The following PPM1L variants were observed in gnomAD, a reference collection of about 807,000 sequenced individuals.
PPM1L encodes protein phosphatase 1L.
A neutral mutation model predicts 31.4 loss-of-function variants in PPM1L; 13 were observed. The observed-to-expected ratio is 0.41, with a 90% CI of 0.27 to 0.66. PPM1L has a LOEUF of 0.66. PPM1L is among the 30% of genes least tolerant of loss of function. PPM1L has a pLI of 0.29. For synonymous variants in PPM1L, 184 were observed against 175.4 expected, an observed-to-expected ratio of 1.05 and a Z score of -0.39; for missense variants, 326 against 453.7, an observed-to-expected ratio of 0.72 and a Z score of 2.56.
chr3:160,977,991 G>A (rs1264947396), intron 2 of PPM1L, among the ~76,000 whole-genome samples: 7 of 152,196 alleles, frequency 4.6e-5, no homozygotes, highest in Non-Finnish European at 7.3e-5. Context: ...TGTAGAGCCT[G>A]AAGCAAAGAC....
chr3:161,041,568 G>A (rs1027278353), intron 2 of PPM1L, among the ~76,000 whole-genome samples: 1 of 152,160 alleles, frequency 6.6e-6, no homozygotes, highest in Admixed American at 6.5e-5. Flanking sequence ...GGCTAACACA[G>A]TGAAACCCCA....
intron 1 of PPM1L, among the ~76,000 whole-genome samples, chr3:160,772,134 GAA>G (rs1386661897): frequency 6.6e-6 from 1 of 152,156 alleles, no homozygotes; most frequent in African/African-American, 2.4e-5. Context: ...GTCTGCTGCT[GAA>G]GAAGTCATGG....
At chr3:160,839,866 C>T (rs537044779) in intron 1 of PPM1L, among the ~76,000 whole-genome samples, 7 of 152,088 alleles carry the variant, frequency 4.6e-5, no homozygotes, top group South Asian at 2.1e-4. Flanking sequence ...TTGGGAGCCC[C>T]GTTGGAAAGC....
chr3:160,939,231 C>T (rs1242723495), intron 1 of PPM1L, among the ~76,000 whole-genome samples: 1 of 152,168 alleles, frequency 6.6e-6, no homozygotes, highest in African/African-American at 2.4e-5. Context: ...CCCTTCCCCT[C>T]CAAACACACG....
chr3:161,066,154 G>T (rs944526751), intron 3 of PPM1L, among the ~76,000 whole-genome samples: 6 of 152,176 alleles, frequency 3.9e-5, no homozygotes, highest in Admixed American at 3.9e-4. Flanking sequence ...TTGAAGACAG[G>T]AACTTGGTTT....
intron 1 of PPM1L, among the ~76,000 whole-genome samples, chr3:160,808,796 CAG>C (rs1560112869): frequency 1.3e-5 from 2 of 152,152 alleles, no homozygotes; most frequent in South Asian, 2.1e-4. Context: ...CCTAGTGAAT[CAG>C]GGGTTGAATT....
chr3:160,980,161 T>G (rs1276975765), intron 2 of PPM1L, among the ~76,000 whole-genome samples: 1 of 152,076 alleles, frequency 6.6e-6, no homozygotes, highest in Non-Finnish European at 1.5e-5. Context: ...TGTCAATTTC[T>G]GTTGGTTGCC....
intron 2 of PPM1L, among the ~76,000 whole-genome samples, chr3:160,983,593 G>A (rs1416844383): frequency 6.6e-6 from 1 of 152,174 alleles, no homozygotes; most frequent in Non-Finnish European, 1.5e-5. Context: ...CTGAATTTAT[G>A]ACATTCTCAG....
chr3:161,013,605 T>A (rs531590484), intron 2 of PPM1L, among the ~76,000 whole-genome samples: 353 of 152,312 alleles, frequency 2.3e-3, no homozygotes, highest in African/African-American at 8.3e-3. Context: ...CGTTGATCTG[T>A]CTAATGTTGA....
rs570843110 is a variant in PPM1L at position 160,781,257 on chromosome 3, A to G, written c.399+24550A>G. 5.9e-5 allele frequency among the ~76,000 whole-genome samples: 9 copies of G among 152,280 alleles called. No homozygotes were observed. In the South Asian group the frequency reaches 1.9e-3, roughly 32 times the overall value. ...GGCTTTTTGTAAACTCTTAATAGCT[A>G]TGGCTGACAGATATAGCTTAGGGAT... is the stretch of plus-strand genomic sequence containing the variant. On this transcript the variant is annotated intron_variant, in intron 1 of 3. Coordinates refer to ENST00000498165, the MANE Select transcript of PPM1L (RefSeq NM_139245.4).
intron 2 of PPM1L, among the ~76,000 whole-genome samples, chr3:160,973,764 G>GTTTTTT (rs75599237): frequency 1.5e-4 from 13 of 88,470 alleles, no homozygotes; most frequent in Admixed American, 2.3e-4. Context: ...GAAAGGCCCT[G>GTTTTTT]TTTTTTTTTT....
At chr3:161,041,727 A>G (rs1380762852) in intron 2 of PPM1L, among the ~76,000 whole-genome samples, 1 of 152,178 alleles carries the variant, frequency 6.6e-6, no homozygotes, top group Non-Finnish European at 1.5e-5. Flanking sequence ...CAGCCTGGAC[A>G]ACAGAGTGAG....
intron 1 of PPM1L, among the ~76,000 whole-genome samples, chr3:160,762,078 G>T (rs1361114822): frequency 6.6e-6 from 1 of 152,082 alleles, no homozygotes; most frequent in Non-Finnish European, 1.5e-5. Context: ...ATTTATGTAA[G>T]TTTCATTGAC....
At chr3:160,758,543 G>C (rs917454622) in intron 1 of PPM1L, among the ~76,000 whole-genome samples, 3 of 152,084 alleles carry the variant, frequency 2.0e-5, no homozygotes, top group African/African-American at 7.2e-5. Context: ...TGGTTGTCTG[G>C]GTGTGATGCA....
chr3:160,979,077 A>G (rs1716709193), intron 2 of PPM1L, among the ~76,000 whole-genome samples: 2 of 151,998 alleles, frequency 1.3e-5, no homozygotes. Context: ...TGTTTGATGT[A>G]ACGGCTCAAC....
rs1711983750 is a variant in PPM1L at position 160,787,942 on chromosome 3, C to T, written c.399+31235C>T. On this transcript the variant is annotated intron_variant, in intron 1 of 3. Transcript: ENST00000498165. ...TGGTTATAGGTGTGTGGCTTTATTT[C>T]TGGGTTCTCTGTTCTGTTCCATTGG... 2.0e-5 allele frequency among the ~76,000 whole-genome samples: 3 copies of T among 152,018 alleles called. No homozygotes were observed. The South Asian group carries it at 6.2e-4, about 32-fold the overall frequency.
At chr3:160,760,026 A>G (rs971130700) in intron 1 of PPM1L, among the ~76,000 whole-genome samples, 1 of 152,218 alleles carries the variant, frequency 6.6e-6, no homozygotes, top group African/African-American at 2.4e-5. Flanking sequence ...GGGCAGCACT[A>G]TTCAAGGGAG....
intron 1 of PPM1L, among the ~76,000 whole-genome samples, chr3:160,775,540 A>G (rs62272815): frequency 0.034 from 5,111 of 152,316 alleles, 125 homozygotes; most frequent in Middle Eastern, 0.12. Context: ...TTAAATATGT[A>G]TATAGGATTC....
intron 1 of PPM1L, among the ~76,000 whole-genome samples, chr3:160,783,502 A>G (rs1342597643): frequency 6.6e-6 from 1 of 151,712 alleles, no homozygotes; most frequent in Non-Finnish European, 1.5e-5. Flanking sequence ...CAGGAGGCTG[A>G]GGCAGGAGAA....
Sources: gnomAD v4.1 joint callset for allele counts (sites outside exome capture counted in the v4.1 genomes callset) on GRCh38, gnomAD v4.1.1 for gene constraint, MANE v1.5 for transcripts, NCBI Gene and HGNC (gene_info 2026-07-23, HGNC 2026-07-21) for gene names.